The following PLB1 variants were observed in gnomAD, a reference collection of about 807,000 sequenced individuals.
PLB1 encodes the protein phospholipase B1, membrane-associated.
Under a neutral mutation model 227.4 loss-of-function variants are expected in PLB1, and 242 were observed. The observed-to-expected ratio is 1.06, with a 90% CI of 0.96 to 1.18. PLB1 has a LOEUF of 1.18. Ranked by LOEUF, PLB1 falls within the 50% of genes most tolerant of loss-of-function variation. The pLI, the probability that PLB1 is intolerant of heterozygous loss-of-function variation, is 0.00. For synonymous variants in PLB1, 757 were observed against 682.2 expected, an observed-to-expected ratio of 1.11 and a Z score of -1.71; for missense variants, 1,858 against 1,816.3, an observed-to-expected ratio of 1.02 and a Z score of -0.42.
chr2:28,604,336 C>A (rs1268954431), intron 40 of PLB1, among the ~76,000 whole-genome samples: 3 of 152,226 alleles, frequency 2.0e-5, no homozygotes, highest in Non-Finnish European at 2.9e-5. Context: ...CATGAGACCA[C>A]CTTTCCCTCC....
rs963277334 is a variant in PLB1 at position 28,566,603 on chromosome 2, GTGC to G, written c.1281-190_1281-188del. 1.9e-5 allele frequency: 11 copies of G among 577,952 alleles called. No individual in the cohort carries two copies. The African/African-American group carries it at 2.1e-4, about 11-fold the overall frequency. 35.8% of individuals were successfully genotyped at this position (577,952 alleles called of 1,614,324 possible). A position where few individuals can be genotyped will look rare whatever the true frequency, so the allele number is the denominator to read the frequency against. On this transcript the variant is annotated intron_variant, in intron 19 of 57. Coordinates refer to ENST00000327757, the MANE Select transcript of PLB1 (RefSeq NM_153021.5). ...TTTAAAGCTGGCGTTTTGTTTGGATGTGCTGGCCTATGGGGAGGGGAGTCGTAT... is the reference window on the plus strand; with the variant it reads ...TTTAAAGCTGGCGTTTTGTTTGGATGTGGCCTATGGGGAGGGGAGTCGTAT...
chr2:28,641,044 G>A, intron 57 of PLB1, 43 bp downstream of exon 57: 1 of 1,586,362 alleles, frequency 6.3e-7, no homozygotes, highest in Non-Finnish European at 8.6e-7. Context: ...CAGATGCCTG[G>A]GGTGGGGGTT....
At chr2:28,549,529 C>T (rs1673882149) in intron 15 of PLB1, among the ~76,000 whole-genome samples, 1 of 145,982 alleles carries the variant, frequency 6.9e-6, no homozygotes, top group African/African-American at 2.5e-5. Context: ...GATTCTCCTG[C>T]CTCAGCCTCC....
At chr2:28,529,637 C>A in intron 7 of PLB1, 91 bp from the exon 8 acceptor site, 1 of 1,341,310 alleles carries the variant, frequency 7.5e-7, no homozygotes, top group Non-Finnish European at 1.1e-6. Context: ...AGCTTAGAGA[C>A]TGACACCTGA....
chr2:28,548,135 A>G (rs1673589202), intron 14 of PLB1, among the ~76,000 whole-genome samples: 1 of 151,906 alleles, frequency 6.6e-6, no homozygotes, highest in Admixed American at 6.6e-5. Context: ...TGACCCCGTG[A>G]AAGACATGAG....
Position 28,539,083 on chromosome 2 carries a change from C to G in PLB1, c.619-16C>G. ...ACTTGGCAAATACTCACCTCCCTCT[C>G]TGTGTGTCCTCCTAGGTCCCCAGAG... On this transcript the variant is annotated splice_polypyrimidine_tract_variant and intron_variant, in intron 10 of 57. Coordinates refer to ENST00000327757, the MANE Select transcript of PLB1 (RefSeq NM_153021.5). 3 of 1,606,308 alleles carry G rather than the reference C, an allele frequency of 1.9e-6. No homozygotes were observed. The highest frequency in any genetic ancestry group is 2.7e-5 in the African/African-American group (2 of 74,966).
intron 1 of PLB1, among the ~76,000 whole-genome samples, chr2:28,503,074 T>C (rs1055227347): frequency 6.6e-6 from 1 of 152,194 alleles, no homozygotes; most frequent in African/African-American, 2.4e-5. Context: ...ATGTCCTTTT[T>C]GTTTCTGGTA....
intron 14 of PLB1, among the ~76,000 whole-genome samples, chr2:28,547,155 C>T (rs149008809): frequency 2.1e-5 from 3 of 145,976 alleles, no homozygotes; most frequent in African/African-American, 5.1e-5. Flanking sequence ...GAACTGTGAT[C>T]GCACCACTGC....
chr2:28,549,412 CTTT>C lies in PLB1; in HGVS notation c.1008+501_1008+503del, dbSNP rs746205635. 2.4e-4 allele frequency among the ~76,000 whole-genome samples: 21 copies of C among 87,300 alleles called. No homozygotes were observed. The South Asian group carries it at 5.3e-3, about 22-fold the overall frequency. 57.3% of individuals were successfully genotyped at this position (87,300 alleles called of 152,430 possible). A position where few individuals can be genotyped will look rare whatever the true frequency, so the allele number is the denominator to read the frequency against. ...TGGACATAAATGAATGAGATTCTTT[CTTT>C]TTTTTTTTTTTTTTTTTTTGAGACG... On this transcript the variant is annotated intron_variant, in intron 15 of 57. Transcript: ENST00000327757.
chr2:28,540,580 C>A, intron 12 of PLB1, 139 bp downstream of exon 12: 1 of 687,838 alleles, frequency 1.5e-6, no homozygotes, highest in South Asian at 1.7e-5. Flanking sequence ...AAGTCAGGAG[C>A]AAAGAGAGCT....
At position 28,563,221 on chromosome 2, in the gene PLB1, C is replaced by T. The variant is rs181872155; in HGVS notation, c.1206+122C>T. The T allele has an allele frequency of 2.7e-4, 258 of 965,646 alleles. 1 individual carries two copies. The African/African-American group carries it at 3.6e-3, about 14-fold the overall frequency. 59.8% of individuals were successfully genotyped at this position (965,646 alleles called of 1,614,324 possible). Reference sequence around the variant, plus strand: ...GCTCTTAGATGCTACCATCTCGGGTCCTGATCTCCATCTCTCCATTGTCCG... The same window carrying T: ...GCTCTTAGATGCTACCATCTCGGGTTCTGATCTCCATCTCTCCATTGTCCG... On this transcript the variant is annotated intron_variant, in intron 18 of 57. Transcript: ENST00000327757.
At chr2:28,516,173 A>G (rs574276158) in intron 1 of PLB1, among the ~76,000 whole-genome samples, 57 of 152,352 alleles carry the variant, frequency 3.7e-4, no homozygotes, top group Non-Finnish European at 6.9e-4. Context: ...TTGTAAGTCA[A>G]TTACACTTTT....
At chr2:28,628,880 C>T (rs6705306) in intron 52 of PLB1, among the ~76,000 whole-genome samples, 41 of 152,186 alleles carry the variant, frequency 2.7e-4, no homozygotes, top group East Asian at 1.3e-3. Flanking sequence ...ACTGTGGCTT[C>T]GGGCAAGTGA....
Position 28,604,683 on chromosome 2 carries a change from G to C in PLB1, c.2885G>C (p.Gly962Ala), listed in dbSNP as rs1385647114. 17 of 1,614,114 alleles carry C rather than the reference G, an allele frequency of 1.1e-5. No individual in the cohort carries two copies. The highest frequency in any genetic ancestry group is 1.4e-5 in the Non-Finnish European group (16 of 1,180,010). Residue 962 changes from glycine to alanine, a missense_variant, in exon 41 of 58, where the codon GGC (glycine) becomes GCC (alanine). Gly to Ala is a moderately conservative substitution (Grantham distance 60). Coordinates refer to ENST00000327757, the MANE Select transcript of PLB1 (RefSeq NM_153021.5). ...RSSMRELVGS[G>A]RYDTQEDFSV... is the part of the protein sequence containing the mutation. The stretch of plus-strand genomic sequence containing the variant: ...AGCATGCGCGAGCTGGTGGGGTCAG[G>C]CCGCTATGACACGCAGGAGGACTTC...
chr2:28,528,638 T>C (rs1670594394), intron 6 of PLB1, among the ~76,000 whole-genome samples: 1 of 152,240 alleles, frequency 6.6e-6, no homozygotes, highest in Non-Finnish European at 1.5e-5. Context: ...CCTGGGCAGC[T>C]CGCTTGATTT....
chr2:28,519,308 TG>T (rs1669210728), intron 3 of PLB1, among the ~76,000 whole-genome samples: 1 of 152,224 alleles, frequency 6.6e-6, no homozygotes, highest in South Asian at 2.1e-4. Flanking sequence ...GTGATCCTTT[TG>T]GTAACCAGGT....
intron 12 of PLB1, among the ~76,000 whole-genome samples, chr2:28,540,945 C>G (rs11691333): frequency 0.38 from 57,075 of 151,920 alleles, 11,458 homozygotes; most frequent in South Asian, 0.48. Context: ...CTGAGGTGGG[C>G]AGATCACTTG....
chr2:28,623,303 GA>G (rs1206331994), intron 49 of PLB1, among the ~76,000 whole-genome samples: 1 of 151,920 alleles, frequency 6.6e-6, no homozygotes, highest in Non-Finnish European at 1.5e-5. Context: ...GCCCAGAGAG[GA>G]GGCTCAAGGG....
At chr2:28,535,642 C>T (rs965292247) in intron 9 of PLB1, among the ~76,000 whole-genome samples, 6 of 152,158 alleles carry the variant, frequency 3.9e-5, no homozygotes, top group Non-Finnish European at 5.9e-5. Context: ...TGTAGATGGC[C>T]GGGCATGGTG....
Sources: gnomAD v4.1 joint callset for allele counts (sites outside exome capture counted in the v4.1 genomes callset) on GRCh38, gnomAD v4.1.1 for gene constraint, MANE v1.5 for transcripts, NCBI Gene and HGNC (gene_info 2026-07-23, HGNC 2026-07-21) for gene names.